Variants in IQGAP2 observed in about 807,000 individuals in gnomAD.
The protein encoded by IQGAP2 is IQ motif containing GTPase activating protein 2.
IQGAP2 carries 173 observed loss-of-function variants against 201.3 expected under a neutral mutation model. That is an observed-to-expected ratio of 0.86 (90% confidence interval 0.76 to 0.98). The LOEUF (loss-of-function observed/expected upper bound fraction) is 0.98. Among genes scored for constraint, IQGAP2 ranks in the 50% least tolerant of loss-of-function variants. IQGAP2 has a pLI of 0.00. For missense variants in IQGAP2, 1,687 were observed against 1,864.8 expected (o/e 0.90, Z 1.76); for synonymous variants, 675 against 673.9 (o/e 1.00, Z -0.03).
chr5:76,631,662 C>A (rs556838213), intron 14 of IQGAP2, among the ~76,000 whole-genome samples, 197 bp from the exon 15 acceptor site: 1 of 152,228 alleles, frequency 6.6e-6, no homozygotes, highest in South Asian at 2.1e-4. Flanking sequence ...AAACCATACT[C>A]CCATGGTATC....
chr5:76,471,527 C>G (rs1212729273), intron 2 of IQGAP2, among the ~76,000 whole-genome samples: 2 of 152,182 alleles, frequency 1.3e-5, no homozygotes, highest in East Asian at 3.9e-4. Context: ...GGGTGTGATT[C>G]CTTTTGTGTC....
At chr5:76,414,900 G>T (rs1309956480) in intron 1 of IQGAP2, among the ~76,000 whole-genome samples, 2 of 152,192 alleles carry the variant, frequency 1.3e-5, no homozygotes, top group Admixed American at 1.3e-4. Context: ...GGGGAACTCT[G>T]AGAAAGAAGT....
At position 76,403,643 on chromosome 5, in the gene IQGAP2, C is replaced by A; in HGVS notation, c.46+52C>A. On this transcript the variant is annotated intron_variant, in intron 1 of 35. Coordinates refer to ENST00000274364, the MANE Select transcript of IQGAP2 (RefSeq NM_006633.5). This position sits in a 1 kb window ranked among gnomAD's most constrained non-coding sequence, Gnocchi z 4.8. Reference sequence around the variant, plus strand: ...CTGCTGGCCTTGGGGAGCTCCCTCCCCGAGGACGGCGTTGGAGAAGCCGAG... The same window carrying A: ...CTGCTGGCCTTGGGGAGCTCCCTCCACGAGGACGGCGTTGGAGAAGCCGAG... 4 of 1,410,942 alleles carry A rather than the reference C, an allele frequency of 2.8e-6. No homozygotes were observed. Among genetic ancestry groups the A allele is most frequent in the Non-Finnish European group, 3.7e-6 (4 of 1,070,938 alleles). The allele number at this position is 1,410,942 out of a possible 1,614,324, so 87.4% of individuals were successfully genotyped here.
intron 27 of IQGAP2, 154 bp from the exon 28 acceptor site, chr5:76,677,064 C>T: frequency 1.5e-6 from 1 of 667,068 alleles, no homozygotes; most frequent in Non-Finnish European, 2.5e-6. Flanking sequence ...CTCCGACAGC[C>T]AGGAGCCAGC....
chr5:76,573,988 A>G (rs901825746), intron 4 of IQGAP2, among the ~76,000 whole-genome samples: 1 of 151,984 alleles, frequency 6.6e-6, no homozygotes, highest in African/African-American at 2.4e-5. Flanking sequence ...AGGCTTTTTA[A>G]ATTTCTTAGG....
intron 2 of IQGAP2, among the ~76,000 whole-genome samples, chr5:76,557,899 C>T (rs1744059325): frequency 6.6e-6 from 1 of 152,096 alleles, no homozygotes; most frequent in Non-Finnish European, 1.5e-5. Context: ...CTCCGCCTCT[C>T]AGATTCAAGC....
intron 2 of IQGAP2, among the ~76,000 whole-genome samples, chr5:76,479,076 T>C (rs1210167420): frequency 6.6e-6 from 1 of 152,042 alleles, no homozygotes. Context: ...TCACCCCTTT[T>C]ACACCGCCTC....
intron 5 of IQGAP2, among the ~76,000 whole-genome samples, chr5:76,580,645 AAC>A (rs1745784292): frequency 6.6e-6 from 1 of 152,170 alleles, no homozygotes; most frequent in Admixed American, 6.5e-5. Flanking sequence ...TCTCAGACTT[AAC>A]CAAGATTAAT....
chr5:76,443,844 C>CT (rs1164976119), intron 1 of IQGAP2, among the ~76,000 whole-genome samples: 4 of 152,148 alleles, frequency 2.6e-5, no homozygotes, highest in African/African-American at 9.7e-5. Flanking sequence ...TCATGAGATA[C>CT]TTATATAAAG....
At chr5:76,579,418 A>C (rs1323392538) in intron 5 of IQGAP2, among the ~76,000 whole-genome samples, 2 of 150,024 alleles carry the variant, frequency 1.3e-5, no homozygotes, top group Non-Finnish European at 3.0e-5. Context: ...GGCCACAGGC[A>C]TCAGGCTAAA....
chr5:76,701,289 G>T (rs1011367619), intron 34 of IQGAP2, 76 bp downstream of exon 34: 3 of 1,415,536 alleles, frequency 2.1e-6, no homozygotes, highest in Admixed American at 1.8e-5. Context: ...GCTCCATTTG[G>T]TCTAGCAAGG....
intron 1 of IQGAP2, among the ~76,000 whole-genome samples, chr5:76,434,162 T>C (rs1287385076): frequency 1.3e-5 from 2 of 152,216 alleles, no homozygotes; most frequent in African/African-American, 4.8e-5. Context: ...GATCCACTTT[T>C]GAGGACCAAG....
intron 5 of IQGAP2, among the ~76,000 whole-genome samples, chr5:76,584,712 G>A (rs558170202): frequency 4.5e-4 from 69 of 152,234 alleles, no homozygotes; most frequent in African/African-American, 1.2e-3. Context: ...CCCTTCTGGC[G>A]TCCGTTCCAT....
intron 2 of IQGAP2, among the ~76,000 whole-genome samples, chr5:76,486,045 G>A (rs780665078): frequency 3.3e-5 from 5 of 151,984 alleles, no homozygotes; most frequent in Admixed American, 6.6e-5. Context: ...TCCAGCCAAG[G>A]GCCAATTAAT....
At chr5:76,445,868 C>T (rs1045493724) in intron 1 of IQGAP2, among the ~76,000 whole-genome samples, 1 of 152,218 alleles carries the variant, frequency 6.6e-6, no homozygotes, top group African/African-American at 2.4e-5. Context: ...CAACCCCCAG[C>T]AACCTCTATT....
At chr5:76,456,702 A>G (rs927327767) in intron 1 of IQGAP2, among the ~76,000 whole-genome samples, 5 of 152,334 alleles carry the variant, frequency 3.3e-5, no homozygotes, top group African/African-American at 9.6e-5. Context: ...AGATGGTTCA[A>G]TGAACAATTG....
chr5:76,502,917 T>G (rs1487053758), intron 2 of IQGAP2, among the ~76,000 whole-genome samples: 1 of 147,710 alleles, frequency 6.8e-6, no homozygotes, highest in Non-Finnish European at 1.5e-5. Context: ...TTTTTTTTAA[T>G]TCTTGGTAGA....
intron 23 of IQGAP2, among the ~76,000 whole-genome samples, chr5:76,670,291 C>T (rs1744190862): frequency 6.6e-6 from 1 of 152,102 alleles, no homozygotes. Flanking sequence ...ACAGGCGGAT[C>T]ACGAGGTCAG....
intron 3 of IQGAP2, among the ~76,000 whole-genome samples, chr5:76,567,697 C>G (rs1351065213): frequency 1.3e-5 from 2 of 152,138 alleles, no homozygotes; most frequent in Admixed American, 6.5e-5. Context: ...TTATTTGTGC[C>G]ATCAGTTTCC....
Sources: gnomAD v4.1 joint callset for allele counts (sites outside exome capture counted in the v4.1 genomes callset) on GRCh38, gnomAD v4.1.1 for gene constraint, Gnocchi (gnomAD v3.1) non-coding constraint, MANE v1.5 for transcripts, NCBI Gene and HGNC (gene_info 2026-07-23, HGNC 2026-07-21) for gene names.